PKHD1: variants seen among roughly 807,000 people sequenced by gnomAD.
The protein encoded by PKHD1 is fibrocystin.
PKHD1 carries 291 observed loss-of-function variants against 412.0 expected under a neutral mutation model. That is an observed-to-expected ratio of 0.71 (90% CI 0.64 to 0.78). PKHD1 has a LOEUF of 0.78. Among genes scored for constraint, PKHD1 ranks in the 30% least tolerant of loss-of-function variants. PKHD1 has a pLI of 0.00. For missense variants in PKHD1, 4,825 were observed against 4,950.7 expected (o/e 0.97, Z 0.76); for synonymous variants, 1,777 against 1,821.5 (o/e 0.98, Z 0.62).
At chr6:51,743,685 A>G (rs1784843672) in intron 60 of PKHD1, among the ~76,000 whole-genome samples, 1 of 152,236 alleles carries the variant, frequency 6.6e-6, no homozygotes, top group South Asian at 2.1e-4. Context: ...GGGAGACCAG[A>G]AAAGAAATCT....
chr6:52,065,545 T>C (rs1191590689), intron 12 of PKHD1, among the ~76,000 whole-genome samples: 1 of 152,110 alleles, frequency 6.6e-6, no homozygotes, highest in Non-Finnish European at 1.5e-5. Flanking sequence ...GACAGGTCCA[T>C]AAAAGGGTTT....
intron 53 of PKHD1, among the ~76,000 whole-genome samples, chr6:51,776,136 CTTCT>C (rs1790988407): frequency 1.3e-5 from 2 of 152,074 alleles, no homozygotes; most frequent in Admixed American, 1.3e-4. Flanking sequence ...GGTATTCACT[CTTCT>C]TTCTTTATTA....
chr6:51,906,295 C>T lies in PKHD1; in HGVS notation c.6728G>A (p.Gly2243Asp). The change falls in exon 41 of 67, where the codon GGC (glycine) becomes GAC (aspartate). Residue 2243 changes from glycine (G) to aspartate (D), a missense_variant. Transcript: ENST00000371117. The stretch of plus-strand genomic sequence containing the variant: ...GCCCAAGGTCCCGCACATGCTGAGG[C>T]CTCTACTGAAGGAGTTCCTCACTGT... ...GCTVRNSFSR[G>D]LSMCGTLGLK... The T allele has an allele frequency of 6.2e-7, 1 of 1,609,068 alleles. No individual in the cohort carries two copies. The highest frequency in any genetic ancestry group is 8.5e-7 in the Non-Finnish European group (1 of 1,175,684).
intron 1 of PKHD1, among the ~76,000 whole-genome samples, chr6:52,085,911 C>T (rs1812703530): frequency 6.6e-6 from 1 of 152,056 alleles, no homozygotes; most frequent in African/African-American, 2.4e-5. Flanking sequence ...AGGGCATCGA[C>T]AAAATCCTCT....
rs368269619 is a variant in PKHD1, at chr6:51,941,038, G to A, written c.5909-6716C>T. On this transcript the variant is annotated intron_variant, in intron 36 of 66. Transcript: ENST00000371117. ...TTTACCCCAGTTCAAAGCCTCCTTCGCATCCTCCTCTTGTATCCCCCCCCA... is the reference window on the plus strand; with the variant it reads ...TTTACCCCAGTTCAAAGCCTCCTTCACATCCTCCTCTTGTATCCCCCCCCA... Among the ~76,000 whole-genome samples, 17 of 150,260 alleles carry A rather than the reference G, an allele frequency of 1.1e-4. 1 individual carries two copies. Among genetic ancestry groups the A allele is most frequent in the African/African-American group, 3.2e-4 (13 of 40,942 alleles).
chr6:51,880,782 A>AT, intron 46 of PKHD1, among the ~76,000 whole-genome samples: 1 of 21,592 alleles, frequency 4.6e-5, no homozygotes, highest in Non-Finnish European at 1.0e-4. Context: ...AAAAAATTAA[A>AT]AAAAAAAAAA....
chr6:51,840,581 G>A (rs1304651983), intron 50 of PKHD1, among the ~76,000 whole-genome samples: 1 of 151,998 alleles, frequency 6.6e-6, no homozygotes, highest in African/African-American at 2.4e-5. Context: ...TGATTTCCCA[G>A]ACCCTGCCAC....
intron 52 of PKHD1, among the ~76,000 whole-genome samples, chr6:51,798,539 C>T (rs905030998): frequency 1.3e-5 from 2 of 152,126 alleles, no homozygotes; most frequent in African/African-American, 4.8e-5. Context: ...TAGCCTTTCT[C>T]TGGTTGCCTT....
At chr6:51,694,118 A>G (rs1321102390) in intron 60 of PKHD1, among the ~76,000 whole-genome samples, 1 of 152,240 alleles carries the variant, frequency 6.6e-6, no homozygotes, top group African/African-American at 2.4e-5. Context: ...CATCTTAATA[A>G]TTAATATTCT....
At chr6:51,657,617 G>T (rs1169001498) in intron 61 of PKHD1, among the ~76,000 whole-genome samples, 1 of 152,108 alleles carries the variant, frequency 6.6e-6, no homozygotes, top group Non-Finnish European at 1.5e-5. Context: ...AAAAAAACAT[G>T]ATGGCTATGA....
intron 60 of PKHD1, among the ~76,000 whole-genome samples, chr6:51,672,483 C>G (rs2135955): frequency 0.45 from 68,207 of 152,006 alleles, 18,555 homozygotes; most frequent in African/African-American, 0.76. Context: ...TGGAGCCTTG[C>G]AAGGGGCGCA....
chr6:51,694,058 C>T (rs568145058), intron 60 of PKHD1, among the ~76,000 whole-genome samples: 1 of 152,184 alleles, frequency 6.6e-6, no homozygotes, highest in African/African-American at 2.4e-5. Context: ...CTAGGTACCC[C>T]ATTCCCGCCT....
intron 34 of PKHD1, among the ~76,000 whole-genome samples, chr6:52,013,691 T>A (rs1337951177): frequency 6.6e-6 from 1 of 152,074 alleles, no homozygotes; most frequent in Non-Finnish European, 1.5e-5. Context: ...ACATATTTAC[T>A]TTGGGGGATA....
At chr6:51,968,010 A>C (rs764183607) in intron 35 of PKHD1, among the ~76,000 whole-genome samples, 8 of 152,128 alleles carry the variant, frequency 5.3e-5, no homozygotes, top group Non-Finnish European at 1.2e-4. Context: ...TACACCAGGA[A>C]ACCTTTTTTT....
chr6:51,865,200 T>G (rs962939248), intron 48 of PKHD1, among the ~76,000 whole-genome samples: 4 of 152,174 alleles, frequency 2.6e-5, no homozygotes, highest in African/African-American at 9.7e-5. Flanking sequence ...TCAGAGCTGA[T>G]GAGAGAGAAA....
intron 56 of PKHD1, among the ~76,000 whole-genome samples, chr6:51,753,718 T>C (rs1562236630): frequency 6.6e-6 from 1 of 152,164 alleles, no homozygotes; most frequent in African/African-American, 2.4e-5. Flanking sequence ...GGGTTGTACA[T>C]TGTCCGTGGA....
rs1380233689 is a variant in PKHD1 at position 52,024,703 on chromosome 6, G to C, written c.5107C>G (p.Gln1703Glu). The change falls in exon 32 of 67, where the codon CAG becomes GAG. Residue 1703 changes from glutamine (Q) to glutamate (E), a missense_variant. By Grantham distance (29) the Gln-to-Glu change is conservative. Transcript: ENST00000371117. ...VGVSGNHTVL[Q>E]CVVPSLPAGE... ...GCCGGAAGGGAAGGGACCACGCACT[G>C]AAGAACGGTGTGGTTACCAGAGACA... The C allele has an allele frequency of 1.2e-6, 2 of 1,614,208 alleles. No homozygotes were observed. The highest frequency in any genetic ancestry group is 1.3e-5 in the African/African-American group (1 of 75,052).
At chr6:51,820,221 G>C (rs557216663) in intron 52 of PKHD1, among the ~76,000 whole-genome samples, 20 of 152,274 alleles carry the variant, frequency 1.3e-4, no homozygotes, top group African/African-American at 4.6e-4. Context: ...TGGCAAATGA[G>C]ACTTCTAGGC....
At chr6:52,057,425 T>G (rs1440370414) in intron 16 of PKHD1, among the ~76,000 whole-genome samples, 4 of 65,436 alleles carry the variant, frequency 6.1e-5, no homozygotes, top group Non-Finnish European at 1.1e-4. Flanking sequence ...TCTATGCAGC[T>G]TTTTTTTTTT....
Sources: gnomAD v4.1 joint callset for allele counts (sites outside exome capture counted in the v4.1 genomes callset) on GRCh38, gnomAD v4.1.1 for gene constraint, MANE v1.5 for transcripts, NCBI Gene and HGNC (gene_info 2026-07-23, HGNC 2026-07-21) for gene names.